ANKRD18A: variants seen among roughly 807,000 people sequenced by gnomAD.
ANKRD18A encodes the protein ankyrin repeat domain 18A.
ANKRD18A carries 72 observed loss-of-function variants against 110.6 expected under a neutral mutation model. That is an observed-to-expected ratio of 0.65 (90% CI 0.54 to 0.79). The LOEUF (loss-of-function observed/expected upper bound fraction) is 0.79, where lower values mean the gene tolerates loss of function less well. ANKRD18A is among the 30% of genes least tolerant of loss of function. ANKRD18A has a pLI of 0.00. For missense variants in ANKRD18A, 934 were observed against 1,163.3 expected, an observed-to-expected ratio of 0.80 and a Z score of 2.87; for synonymous variants, 305 against 410.3, an observed-to-expected ratio of 0.74 and a Z score of 3.10.
chr9:38,586,279 C>T lies in ANKRD18A; in HGVS notation c.2151G>A (p.Met717Ile), dbSNP rs1587498943. 2 of 1,601,258 alleles carry T rather than the reference C, an allele frequency of 1.2e-6. No homozygotes were observed. Among genetic ancestry groups the T allele is most frequent in the East Asian group, 2.2e-5 (1 of 44,502 alleles). ...YKKCLEMTIN[M>I]LNAFANEDFS... ...AGTCCTCATTTGCAAATGCATTTAACATATTTATTGTCATTTCTAGGCATT... is the reference window on the plus strand; with the variant it reads ...AGTCCTCATTTGCAAATGCATTTAATATATTTATTGTCATTTCTAGGCATT... The change falls in exon 12 of 16, where the codon ATG becomes ATA. Residue 717 changes from methionine to isoleucine, a missense_variant. Physicochemically the swap from Met to Ile is conservative, Grantham distance 10. Around this residue, in one of 4 missense-constraint regions of ANKRD18A, gnomAD observed 79 missense variants for 122.8 expected, o/e 0.64. Transcript: ENST00000399703.
At chr9:38,606,190 C>G (rs1825345840) in intron 6 of ANKRD18A, among the ~76,000 whole-genome samples, 1 of 152,080 alleles carries the variant, frequency 6.6e-6, no homozygotes, top group Non-Finnish European at 1.5e-5. Flanking sequence ...GTTCTTATTG[C>G]CATTTGTTTA....
At position 38,577,084 on chromosome 9, in the gene ANKRD18A, C is replaced by G; in HGVS notation, c.2710G>C (p.Ala904Pro). Reference sequence around the variant, plus strand: ...AATTTTTTTGACATGGAATTGTTAGCTTTCACTGCTCCTGCAAAGGCTTCC... The same window carrying G: ...AATTTTTTTGACATGGAATTGTTAGGTTTCACTGCTCCTGCAAAGGCTTCC... ...FKEAFAGAVKANNSMSKKLMK... is the reference protein window; with the variant it reads ...FKEAFAGAVKPNNSMSKKLMK... Residue 904 changes from alanine to proline, a missense_variant, in exon 14 of 16, where the codon GCT (alanine) becomes CCT (proline). By Grantham distance (27) the Ala-to-Pro change is conservative. Coordinates refer to ENST00000399703, the MANE Select transcript of ANKRD18A (RefSeq NM_147195.4). The G allele has an allele frequency of 6.5e-7, 1 of 1,548,316 alleles. No homozygotes were observed. The highest frequency in any genetic ancestry group is 1.2e-5 in the South Asian group (1 of 83,182).
At chr9:38,570,099 G>C (rs61083183), downstream of ANKRD18A, among the ~76,000 whole-genome samples, 1 of 151,966 alleles carries the variant, frequency 6.6e-6, no homozygotes, top group African/African-American at 2.4e-5. Flanking sequence ...TGGCCCCAAC[G>C]AGGCCCCTAA....
downstream of ANKRD18A, chr9:38,571,098 G>A (rs530423927): frequency 2.4e-5 from 36 of 1,518,014 alleles, no homozygotes; most frequent in African/African-American, 4.3e-4. Flanking sequence ...ACAGCTAGAA[G>A]GCCCTTTGCT....
At chr9:38,588,003 A>C (rs1180658239) in intron 11 of ANKRD18A, among the ~76,000 whole-genome samples, 1 of 152,152 alleles carries the variant, frequency 6.6e-6, no homozygotes, top group Non-Finnish European at 1.5e-5. Flanking sequence ...CAAGAGAATC[A>C]CTTGAACCCA....
downstream of ANKRD18A, among the ~76,000 whole-genome samples, chr9:38,570,798 C>T (rs1823610625): frequency 6.6e-6 from 1 of 152,236 alleles, no homozygotes; most frequent in African/African-American, 2.4e-5. Context: ...GGGAGTCAGC[C>T]TCAGGCTCCA....
chr9:38,616,382 T>C (rs1825855589), intron 1 of ANKRD18A, among the ~76,000 whole-genome samples: 1 of 152,258 alleles, frequency 6.6e-6, no homozygotes, highest in Non-Finnish European at 1.5e-5. Context: ...AGGACACCAC[T>C]GTGATGCTTA....
rs1480041245 is a variant in ANKRD18A, at chr9:38,574,420, C to A, written c.2964+1056G>T. On this transcript the variant is annotated intron_variant, in intron 15 of 15. Coordinates refer to ENST00000399703, the MANE Select transcript of ANKRD18A (RefSeq NM_147195.4). ...GATTTATATTTTCCTTTAGGTATAA[C>A]CCTAGTATAGTAATGGGGTTGCTGC... Among the ~76,000 whole-genome samples, 7 of 152,128 alleles carry A rather than the reference C, an allele frequency of 4.6e-5. No individual in the cohort carries two copies. In the South Asian group the frequency reaches 1.2e-3, roughly 27 times the overall value.
intron 2 of ANKRD18A, 29 bp from the exon 3 acceptor site, chr9:38,615,796 A>G: frequency 6.3e-7 from 1 of 1,594,554 alleles, no homozygotes; most frequent in Non-Finnish European, 8.5e-7. Flanking sequence ...AAACTAGACT[A>G]TAAATTCTAA....
rs1258891582 is a variant in ANKRD18A at position 38,602,077 on chromosome 9, G to T, written c.863-873C>A. ...GGCTATCTTTTCTCCACGTACACAG[G>T]TGTCTCCTTTCTTGGGGCTCCCTTC... is the stretch of plus-strand genomic sequence containing the variant. On this transcript the variant is annotated intron_variant, in intron 7 of 15. Coordinates refer to ENST00000399703, the MANE Select transcript of ANKRD18A (RefSeq NM_147195.4). 2.0e-5 allele frequency among the ~76,000 whole-genome samples: 3 copies of T among 149,398 alleles called. No individual in the cohort carries two copies. In the Admixed American group the frequency reaches 2.0e-4, roughly 10 times the overall value.
chr9:38,569,638 A>AT (rs1823567702), downstream of ANKRD18A, among the ~76,000 whole-genome samples: 1 of 152,034 alleles, frequency 6.6e-6, no homozygotes. Context: ...GTGTGCATGC[A>AT]TTGTGTTTGT....
chr9:38,574,506 G>C (rs1349909290), intron 15 of ANKRD18A, among the ~76,000 whole-genome samples: 1 of 151,970 alleles, frequency 6.6e-6, no homozygotes, highest in Admixed American at 6.6e-5. Context: ...TAGTAGAGAC[G>C]GGGTTTCATC....
At chr9:38,578,444 A>G (rs1244917168) in intron 12 of ANKRD18A, among the ~76,000 whole-genome samples, 1 of 152,208 alleles carries the variant, frequency 6.6e-6, no homozygotes, top group Non-Finnish European at 1.5e-5. Flanking sequence ...GCACTAAGTT[A>G]TCTCTTAGTA....
chr9:38,591,247 G>A (rs1416616808), intron 10 of ANKRD18A, among the ~76,000 whole-genome samples: 2 of 151,584 alleles, frequency 1.3e-5, no homozygotes, highest in East Asian at 1.9e-4. Flanking sequence ...TAGAATTACT[G>A]GCATGAGCCA....
At chr9:38,614,225 T>G (rs10116737) in intron 3 of ANKRD18A, among the ~76,000 whole-genome samples, 1,964 of 132,610 alleles carry the variant, frequency 0.015, 37 homozygotes, top group African/African-American at 0.063. Flanking sequence ...TGAGGTTTTT[T>G]TTTTTTTTTT....
intron 8 of ANKRD18A, among the ~76,000 whole-genome samples, chr9:38,596,745 G>A (rs1824899406): frequency 6.6e-6 from 1 of 152,062 alleles, no homozygotes; most frequent in Admixed American, 6.6e-5. Context: ...TTGGAAAAAG[G>A]AAATTGCATT....
At chr9:38,616,069 G>C in intron 1 of ANKRD18A, 25 bp from the exon 2 acceptor site, 1 of 1,505,358 alleles carries the variant, frequency 6.6e-7, no homozygotes, top group Non-Finnish European at 8.9e-7. Flanking sequence ...GGGGTTTTCA[G>C]GAAATGTAGT....
intron 7 of ANKRD18A, among the ~76,000 whole-genome samples, chr9:38,602,871 T>C (rs1403203037): frequency 1.3e-5 from 2 of 152,320 alleles, no homozygotes; most frequent in Admixed American, 6.5e-5. Flanking sequence ...GGTCTGGCGA[T>C]GTTGCCCAGG....
intron 10 of ANKRD18A, among the ~76,000 whole-genome samples, chr9:38,589,526 C>A (rs908563179): frequency 5.3e-5 from 8 of 152,192 alleles, no homozygotes; most frequent in African/African-American, 1.9e-4. Context: ...TCAAGCTAGC[C>A]CACCCCATTT....
Sources: allele counts gnomAD v4.1 joint callset (sites outside exome capture counted in the v4.1 genomes callset), GRCh38; gene constraint gnomAD v4.1.1; regional missense constraint gnomAD v4.1.1; transcripts MANE v1.5; gene names NCBI Gene and HGNC (gene_info 2026-07-23, HGNC 2026-07-21).